Variants in SURF4 observed in about 807,000 individuals in gnomAD.
SURF4 encodes surfeit 4, also known as surfeit locus protein 4.
In SURF4, 3 loss-of-function variants were observed where a neutral mutation model predicts 30.0. That is an observed-to-expected ratio of 0.10 (90% CI 0.05 to 0.26). SURF4 has a LOEUF of 0.26. Ranked by LOEUF, SURF4 falls within the 10% of genes least tolerant of loss-of-function variation. The pLI is 1.00. For missense variants in SURF4, 217 were observed against 350.8 expected, an observed-to-expected ratio of 0.62 and a Z score of 3.05; for synonymous variants, 143 against 139.9, an observed-to-expected ratio of 1.02 and a Z score of -0.16.
At chr9:133,375,342 G>A (rs1398343062) in intron 1 of SURF4, 3 of 981,938 alleles carry the variant, frequency 3.1e-6, no homozygotes, top group South Asian at 9.4e-5. Flanking sequence ...TCCAAACGGG[G>A]AGGGAGACGC....
At chr9:133,365,100 A>T in intron 4 of SURF4, 74 bp from the exon 5 acceptor site, 4 of 1,365,862 alleles carry the variant, frequency 2.9e-6, no homozygotes, top group Non-Finnish European at 3.9e-6. Context: ...AGGTGCAGGG[A>T]GACCTTGCTG....
intron 1 of SURF4, chr9:133,375,373 C>CA (rs1837829338): frequency 1.0e-6 from 1 of 985,756 alleles, no homozygotes; most frequent in Non-Finnish European, 1.2e-6. Flanking sequence ...AAAGGGACCC[C>CA]AAGAGTCCAG....
Position 133,364,855 on chromosome 9 carries a change from G to C in SURF4, c.528C>G (p.Asp176Glu). The change falls in exon 5 of 6, where the codon GAC becomes GAG. Residue 176 changes from aspartate to glutamate, a missense_variant. Transcript: ENST00000371989. ...VLMFMTLLHF[D>E]ASFFSIVQNI... is the part of the protein sequence containing the mutation. ...GAATACTTACAGAAAAGAAGCTGGC[G>C]TCAAAGTGAAGGAGGGTCATGAACA... 2 of 1,614,054 alleles carry C rather than the reference G, an allele frequency of 1.2e-6. No homozygotes were observed. The highest frequency in any genetic ancestry group is 1.7e-6 in the Non-Finnish European group (2 of 1,180,002).
At chr9:133,364,784 G>A (rs967270877) in intron 5 of SURF4, 56 bp downstream of exon 5, 2 of 1,581,272 alleles carry the variant, frequency 1.3e-6, no homozygotes, top group East Asian at 2.2e-5. Context: ...GAGGGGGTGG[G>A]GGAGGGACAG....
chr9:133,364,703 A>T, intron 5 of SURF4, 137 bp downstream of exon 5: 1 of 836,738 alleles, frequency 1.2e-6, no homozygotes, highest in Non-Finnish European at 1.8e-6. Context: ...AAAAAAAAAA[A>T]AAAAAGTTTG....
chr9:133,377,684 C>T (rs1838023901), upstream of SURF4, among the ~76,000 whole-genome samples: 1 of 152,020 alleles, frequency 6.6e-6, no homozygotes, highest in African/African-American at 2.4e-5. Context: ...AAAAAAATAG[C>T]AGTCCCCAAC....
intron 1 of SURF4, among the ~76,000 whole-genome samples, chr9:133,369,484 A>T (rs1233670891): frequency 6.6e-6 from 1 of 152,198 alleles, no homozygotes; most frequent in Non-Finnish European, 1.5e-5. Context: ...GATGCTTTCC[A>T]ACTTTACTAG....
rs2130233883 is a variant in SURF4 at position 133,375,201 on chromosome 9, G to A, written c.48+721C>T. 1.0e-5 allele frequency: 10 copies of A among 985,154 alleles called. No homozygotes were observed. In the African/African-American group the frequency reaches 1.4e-4, roughly 14 times the overall value. 61.0% of individuals were successfully genotyped at this position (985,154 alleles called of 1,614,324 possible). ...GAATGCTCTCAACAGTTACCCAACC[G>A]CCTGTTTCAAAGGCTTCCCTGTTGC... On this transcript the variant is annotated intron_variant, in intron 1 of 5. Coordinates refer to ENST00000371989, the MANE Select transcript of SURF4 (RefSeq NM_033161.4).
intron 1 of SURF4, chr9:133,370,907 C>T (rs2130184376): frequency 1.6e-5 from 20 of 1,289,574 alleles, no homozygotes; most frequent in Admixed American, 9.2e-5. Flanking sequence ...TAAGTCTCTC[C>T]GAGAACCGCG....
At chr9:133,367,660 G>A in intron 1 of SURF4, 1 of 1,338,332 alleles carries the variant, frequency 7.5e-7, no homozygotes, top group Admixed American at 2.5e-5. Flanking sequence ...ACAATCCAAG[G>A]ATCAGTCCCG....
upstream of SURF4, among the ~76,000 whole-genome samples, chr9:133,376,906 G>A (rs1429836937): frequency 6.6e-6 from 1 of 152,168 alleles, no homozygotes; most frequent in Admixed American, 6.5e-5. Flanking sequence ...GGAGCCCCCA[G>A]TCCCCTAAAA....
Position 133,374,290 on chromosome 9 carries a change from C to T in SURF4, c.48+1632G>A, listed in dbSNP as rs2130221587. Among the ~76,000 whole-genome samples the T allele has an allele frequency of 3.5e-3, 531 of 152,212 alleles. 1 individual carries two copies. Among genetic ancestry groups the T allele is most frequent in the African/African-American group, 0.012 (497 of 41,532 alleles). On this transcript the variant is annotated intron_variant, in intron 1 of 5. Transcript: ENST00000371989. ...TTTAAAGGCTGGGTGCCGTGGCTCACGCCTGTAATCCCAGCACTTTGGGAG... is the reference window on the plus strand; with the variant it reads ...TTTAAAGGCTGGGTGCCGTGGCTCATGCCTGTAATCCCAGCACTTTGGGAG...
chr9:133,369,813 C>G (rs1175574784), intron 1 of SURF4, among the ~76,000 whole-genome samples: 2 of 152,232 alleles, frequency 1.3e-5, no homozygotes, highest in Non-Finnish European at 2.9e-5. Flanking sequence ...GAAGCCCCAG[C>G]AAGGACACAA....
intron 1 of SURF4, among the ~76,000 whole-genome samples, chr9:133,372,156 G>A (rs2130194893): frequency 0.017 from 2,536 of 152,312 alleles, 67 homozygotes; most frequent in African/African-American, 0.052. Flanking sequence ...CATAGAGCAC[G>A]TCTCAGCAGT....
chr9:133,376,410 C>T, upstream of SURF4: 1 of 1,463,948 alleles, frequency 6.8e-7, no homozygotes, highest in Non-Finnish European at 9.1e-7. Flanking sequence ...TCCCGCGGGT[C>T]CCACTGACCC....
Position 133,363,346 on chromosome 9 carries a change from G to T in SURF4, c.*147C>A. ...GAGCCATCGATTCTCAGGTGTCTCT[G>T]CAAATAAAGTTCTCAAAACATCTGT... On this transcript the variant is annotated 3_prime_UTR_variant, in exon 6 of 6. Transcript: ENST00000371989. This position sits in a 1 kb window ranked among gnomAD's most constrained non-coding sequence, Gnocchi z 4.3. 1 of 1,306,476 alleles carries T rather than the reference G, an allele frequency of 7.7e-7. No individual in the cohort carries two copies. Among genetic ancestry groups the T allele is most frequent in the Non-Finnish European group, 1.1e-6 (1 of 922,192 alleles). 80.9% of individuals were successfully genotyped at this position (1,306,476 alleles called of 1,614,324 possible). A position where few individuals can be genotyped will look rare whatever the true frequency, so the allele number is the denominator to read the frequency against.
intron 2 of SURF4, 50 bp from the exon 3 acceptor site, chr9:133,366,725 G>A (rs2130132431): frequency 6.4e-7 from 1 of 1,571,376 alleles, no homozygotes; most frequent in Non-Finnish European, 8.7e-7. Context: ...TGCCGGCGGG[G>A]AGCACTGTCT....
chr9:133,368,128 C>G (rs1458467135), intron 1 of SURF4, among the ~76,000 whole-genome samples: 3 of 152,220 alleles, frequency 2.0e-5, no homozygotes, highest in African/African-American at 7.2e-5. Flanking sequence ...CTTCGCAGAC[C>G]TGATGGTGCA....
Position 133,367,433 on chromosome 9 carries a change from T to G in SURF4, c.61A>C (p.Thr21Pro), listed in dbSNP as rs2130142218. ...GCCACGTGGGGCAGGTACTGCTTTG[T>G]GACACGGAGGAACTGCAGGGCCACA... ...EDFADQFLRV[T>P]KQYLPHVARL... is the part of the protein sequence containing the mutation. Residue 21 changes from threonine (T) to proline (P), a missense_variant, in exon 2 of 6, where the codon ACA (threonine) becomes CCA (proline). Coordinates refer to ENST00000371989, the MANE Select transcript of SURF4 (RefSeq NM_033161.4). The G allele has an allele frequency of 6.2e-7, 1 of 1,613,760 alleles. No individual in the cohort carries two copies. Among genetic ancestry groups the G allele is most frequent in the Non-Finnish European group, 8.5e-7 (1 of 1,180,026 alleles).
Sources: allele counts gnomAD v4.1 joint callset (sites outside exome capture counted in the v4.1 genomes callset), GRCh38; gene constraint gnomAD v4.1.1; non-coding constraint Gnocchi (gnomAD v3.1); transcripts MANE v1.5; gene names NCBI Gene and HGNC (gene_info 2026-07-23, HGNC 2026-07-21).